Variants in CD48 observed in about 807,000 individuals in gnomAD.
The protein encoded by CD48 is CD48 molecule, also known as CD48 antigen.
Under a neutral mutation model 22.0 loss-of-function variants are expected in CD48, and 20 were observed. The observed-to-expected ratio is 0.91, with a 90% confidence interval of 0.64 to 1.32. CD48 has a LOEUF of 1.32. Ranked by LOEUF, CD48 falls within the 40% of genes most tolerant of loss-of-function variation. The pLI is 0.00. For synonymous variants in CD48, 110 were observed against 110.1 expected (o/e 1.00, Z 0.01); for missense variants, 307 against 286.5 (o/e 1.07, Z -0.52).
Position 160,678,983 on chromosome 1 carries a change from G to T in CD48, c.*69C>A. On this transcript the variant is annotated 3_prime_UTR_variant, in exon 4 of 4. Transcript: ENST00000368046. ...CAGCCTATACAGTCTCTGTCCTGGT[G>T]AGGAGCATGATCACCAACAGGCAAG... 8.9e-7 allele frequency: 1 copy of T among 1,125,314 alleles called. No homozygotes were observed. The highest frequency in any genetic ancestry group is 1.4e-6 in the Non-Finnish European group (1 of 734,738). The allele number at this position is 1,125,314 out of a possible 1,614,324, so 69.7% of individuals were successfully genotyped here.
chr1:160,692,912 CAT>C (rs917853945), intron 1 of CD48, among the ~76,000 whole-genome samples: 1 of 152,160 alleles, frequency 6.6e-6, no homozygotes, highest in African/African-American at 2.4e-5. Flanking sequence ...TGCTCATGGA[CAT>C]AGACTCATTC....
At position 160,706,840 on chromosome 1, in the gene CD48, A is replaced by G. The variant is rs146274290; in HGVS notation, c.82+4842T>C. ...CAAAGGAAGTCATAATCCCAGGACC[A>G]TAGAGTCTCCCCAGGAAAGGGAAAG... is the stretch of plus-strand genomic sequence containing the variant. On this transcript the variant is annotated intron_variant, in intron 1 of 3. Transcript: ENST00000368046. Among the ~76,000 whole-genome samples the G allele has an allele frequency of 1.1e-4, 16 of 152,344 alleles. No homozygotes were observed. The East Asian group carries it at 3.1e-3, about 29-fold the overall frequency.
At chr1:160,711,512 A>G (rs1427703484) in intron 1 of CD48, among the ~76,000 whole-genome samples, 170 bp downstream of exon 1, 2 of 152,182 alleles carry the variant, frequency 1.3e-5, no homozygotes, top group Admixed American at 1.3e-4. Flanking sequence ...TCCATTCATC[A>G]GTGCTAAGAA....
At chr1:160,703,329 G>A (rs1662690867) in intron 1 of CD48, among the ~76,000 whole-genome samples, 1 of 152,104 alleles carries the variant, frequency 6.6e-6, no homozygotes, top group Non-Finnish European at 1.5e-5. Context: ...AGGAGAAGTA[G>A]GACCATACTG....
chr1:160,681,933 G>A (rs558748480), intron 2 of CD48, among the ~76,000 whole-genome samples: 28 of 152,288 alleles, frequency 1.8e-4, no homozygotes, highest in South Asian at 1.7e-3. Context: ...CTGTCTGCGC[G>A]TGGCAAAGTC....
chr1:160,694,334 A>T (rs1662332526), intron 1 of CD48, among the ~76,000 whole-genome samples: 1 of 152,204 alleles, frequency 6.6e-6, no homozygotes, highest in African/African-American at 2.4e-5. Context: ...TAAGGCCGTT[A>T]TTCAAGGAAA....
intron 2 of CD48, among the ~76,000 whole-genome samples, chr1:160,683,275 A>G (rs1319709193): frequency 6.6e-6 from 1 of 152,178 alleles, no homozygotes; most frequent in Admixed American, 6.5e-5. Context: ...TCCAGCTCCA[A>G]GATGCTCGCT....
At chr1:160,685,595 A>G (rs139117358) in intron 1 of CD48, among the ~76,000 whole-genome samples, 1,601 of 152,326 alleles carry the variant, frequency 0.011, 18 homozygotes, top group Admixed American at 0.018. Flanking sequence ...CCCTAGAGGC[A>G]TAGACATAAA....
At chr1:160,692,971 A>G (rs1213192184) in intron 1 of CD48, among the ~76,000 whole-genome samples, 1 of 125,832 alleles carries the variant, frequency 7.9e-6, no homozygotes, top group Non-Finnish European at 1.7e-5. Context: ...CACCCTCTCA[A>G]TTTTTACAAT....
chr1:160,706,175 A>G (rs1320211019), intron 1 of CD48, among the ~76,000 whole-genome samples: 3 of 152,106 alleles, frequency 2.0e-5, no homozygotes, highest in Non-Finnish European at 4.4e-5. Context: ...CCCAGGTTCA[A>G]GCAATTCTCC....
chr1:160,704,261 T>G (rs1662724802), intron 1 of CD48, among the ~76,000 whole-genome samples: 1 of 152,202 alleles, frequency 6.6e-6, no homozygotes, highest in African/African-American at 2.4e-5. Flanking sequence ...TCTTAAACAT[T>G]AATTAGACCA....
chr1:160,697,285 C>T (rs1441220526), intron 1 of CD48, among the ~76,000 whole-genome samples: 1 of 152,310 alleles, frequency 6.6e-6, no homozygotes, highest in Non-Finnish European at 1.5e-5. Context: ...TGAAGTTCTA[C>T]AATGAACCCA....
At chr1:160,679,688 AG>A (rs760883232) in intron 3 of CD48, among the ~76,000 whole-genome samples, 1 of 152,216 alleles carries the variant, frequency 6.6e-6, no homozygotes, top group Non-Finnish European at 1.5e-5. Flanking sequence ...CAGTAGGGAA[AG>A]GAGTTTGAGG....
chr1:160,710,837 A>G (rs1415246080), intron 1 of CD48, among the ~76,000 whole-genome samples: 1 of 152,224 alleles, frequency 6.6e-6, no homozygotes, highest in African/African-American at 2.4e-5. Context: ...CCACAGTGTG[A>G]CTACCACATG....
At chr1:160,679,273 C>T in intron 3 of CD48, 142 bp from the exon 4 acceptor site, 1 of 644,598 alleles carries the variant, frequency 1.6e-6, no homozygotes, top group Non-Finnish European at 2.7e-6. Context: ...TCCTATTTGG[C>T]TGGGACATTC....
intron 1 of CD48, among the ~76,000 whole-genome samples, chr1:160,685,869 T>C (rs1661979997): frequency 6.6e-6 from 1 of 152,174 alleles, no homozygotes; most frequent in African/African-American, 2.4e-5. Context: ...TGTCCATTTT[T>C]ATGCTTAGGT....
chr1:160,694,876 G>A (rs1009864322), intron 1 of CD48, among the ~76,000 whole-genome samples: 46 of 152,358 alleles, frequency 3.0e-4, no homozygotes, highest in Non-Finnish European at 2.5e-4. Flanking sequence ...ACATTTATTA[G>A]CAAATGAACA....
At chr1:160,689,226 T>A (rs1018565804) in intron 1 of CD48, among the ~76,000 whole-genome samples, 18 of 152,196 alleles carry the variant, frequency 1.2e-4, no homozygotes, top group African/African-American at 4.3e-4. Context: ...TTATAATCTA[T>A]GGTAACATTA....
At chr1:160,690,367 C>T (rs757095426) in intron 1 of CD48, among the ~76,000 whole-genome samples, 1 of 152,230 alleles carries the variant, frequency 6.6e-6, no homozygotes, top group Admixed American at 6.5e-5. Context: ...ACATGAGTCA[C>T]ATCCATTTGC....
Sources: allele counts gnomAD v4.1 joint callset (sites outside exome capture counted in the v4.1 genomes callset), GRCh38; gene constraint gnomAD v4.1.1; transcripts MANE v1.5; gene names NCBI Gene and HGNC (gene_info 2026-07-23, HGNC 2026-07-21).